Variants in INPP5D observed in about 807,000 individuals in gnomAD.
The protein encoded by INPP5D is inositol polyphosphate-5-phosphatase D.
Under a neutral mutation model 122.9 loss-of-function variants are expected in INPP5D, and 33 were observed. The observed-to-expected ratio is 0.27, with a 90% CI of 0.20 to 0.36. The LOEUF is 0.36. Among genes scored for constraint, INPP5D ranks in the 10% least tolerant of loss-of-function variants. The pLI is 1.00. For synonymous variants in INPP5D, 584 were observed against 576.2 expected (o/e 1.01, Z -0.19); for missense variants, 1,053 against 1,412.7 (o/e 0.75, Z 4.08).
At chr2:233,114,010 A>C (rs1188817935) in intron 2 of INPP5D, among the ~76,000 whole-genome samples, 1 of 148,338 alleles carries the variant, frequency 6.7e-6, no homozygotes, top group Non-Finnish European at 1.5e-5. Context: ...TCCCGGGTTC[A>C]CGCCATTCTC....
At chr2:233,204,860 A>G in intron 26 of INPP5D, 143 bp downstream of exon 26, 1 of 1,292,836 alleles carries the variant, frequency 7.7e-7, no homozygotes, top group Non-Finnish European at 1.0e-6. Flanking sequence ...ATGCATGTGC[A>G]CACATGCGAG....
At chr2:233,165,687 T>C (rs1446890688) in intron 13 of INPP5D, among the ~76,000 whole-genome samples, 2 of 151,994 alleles carry the variant, frequency 1.3e-5, no homozygotes, top group Non-Finnish European at 2.9e-5. Context: ...TGTGAGTCTA[T>C]GTATGTGAGT....
chr2:233,174,247 G>A (rs1463266470), intron 17 of INPP5D, among the ~76,000 whole-genome samples: 1 of 152,254 alleles, frequency 6.6e-6, no homozygotes, highest in Non-Finnish European at 1.5e-5. Flanking sequence ...GAATTGTACT[G>A]TTATGCTTTT....
chr2:233,198,594 T>TA (rs1695248109), intron 25 of INPP5D, among the ~76,000 whole-genome samples: 1 of 152,168 alleles, frequency 6.6e-6, no homozygotes, highest in Non-Finnish European at 1.5e-5. Flanking sequence ...TTTTAAAGGG[T>TA]AAAAATTTGT....
At chr2:233,074,022 AG>A (rs1691451071) in intron 1 of INPP5D, among the ~76,000 whole-genome samples, 1 of 152,188 alleles carries the variant, frequency 6.6e-6, no homozygotes, top group Non-Finnish European at 1.5e-5. Flanking sequence ...ATTCTATTTA[AG>A]ATGGAAGTAA....
intron 2 of INPP5D, among the ~76,000 whole-genome samples, chr2:233,097,040 G>A (rs920825430): frequency 1.3e-5 from 2 of 152,020 alleles, no homozygotes; most frequent in Admixed American, 6.6e-5. Flanking sequence ...TTTATGTTTG[G>A]TATAAAATAG....
chr2:233,088,974 C>G (rs984915911), intron 2 of INPP5D, among the ~76,000 whole-genome samples: 2 of 152,214 alleles, frequency 1.3e-5, no homozygotes, highest in Non-Finnish European at 2.9e-5. Flanking sequence ...CCCTGTCTGC[C>G]TTGGGATCCT....
In INPP5D at chr2:233,164,827, G is replaced by C. The variant is rs1310410333; in HGVS notation, c.1555+403G>C. Among the ~76,000 whole-genome samples the C allele has an allele frequency of 6.6e-6, 1 of 152,234 alleles. No individual in the cohort carries two copies. Among genetic ancestry groups the C allele is most frequent in the Non-Finnish European group, 1.5e-5 (1 of 68,044 alleles). ...ACAGTAAATATTTCAGGCTTTGCAG[G>C]CCACTCAACACTATTCCTCTCTGCC... is the stretch of plus-strand genomic sequence containing the variant. On this transcript the variant is annotated intron_variant, in intron 13 of 26. Coordinates refer to ENST00000445964, the MANE Select transcript of INPP5D (RefSeq NM_001017915.3). This position sits in a 1 kb window ranked among gnomAD's most constrained non-coding sequence, Gnocchi z 4.3.
intron 17 of INPP5D, among the ~76,000 whole-genome samples, chr2:233,176,363 G>T (rs796805630): frequency 2.8e-5 from 2 of 71,294 alleles, no homozygotes; most frequent in Non-Finnish European, 6.3e-5. Flanking sequence ...ATGGATAGGC[G>T]AATGGATAGG....
intron 2 of INPP5D, among the ~76,000 whole-genome samples, chr2:233,095,418 G>C (rs1017440820): frequency 1.3e-5 from 2 of 152,072 alleles, no homozygotes; most frequent in South Asian, 4.2e-4. Context: ...TCAGGAGTTC[G>C]AGACCAGCCT....
chr2:233,168,397 C>G (rs755873083), intron 13 of INPP5D, among the ~76,000 whole-genome samples: 3 of 152,228 alleles, frequency 2.0e-5, no homozygotes, highest in Non-Finnish European at 4.4e-5. Flanking sequence ...AGCAGGTTCT[C>G]ACCTGCATGT....
intron 9 of INPP5D, among the ~76,000 whole-genome samples, chr2:233,155,870 A>G (rs1488457691): frequency 6.6e-6 from 1 of 152,148 alleles, no homozygotes; most frequent in African/African-American, 2.4e-5. Context: ...CTCCAAGAAA[A>G]GATCCTAAAA....
Position 233,194,014 on chromosome 2 carries a change from G to A in INPP5D, c.2596+53G>A, listed in dbSNP as rs1246680510. The A allele has an allele frequency of 6.0e-6, 9 of 1,508,676 alleles. No homozygotes were observed. The South Asian group carries it at 9.2e-5, about 15-fold the overall frequency. 93.5% of individuals were successfully genotyped at this position (1,508,676 alleles called of 1,614,324 possible). On this transcript the variant is annotated intron_variant, in intron 23 of 26. Transcript: ENST00000445964. ...CTCTTCAGCCCCCCACTTAGGGACG[G>A]GAACGTGCTTTCTCTCAGCAAAGCT...
Position 233,198,323 on chromosome 2 carries a change from G to A in INPP5D, c.2922G>A (p.Lys974=), listed in dbSNP as rs1449686681. 1 of 1,613,718 alleles carries A rather than the reference G, an allele frequency of 6.2e-7. No homozygotes were observed. Among genetic ancestry groups the A allele is most frequent in the Admixed American group, 1.7e-5 (1 of 60,034 alleles). ...GCCAGCCGCCCATATCACCCAAGAA[G>A]TTTTTACCCTCAACAGCAAACCGGG... The part of the protein sequence containing the change: ...PPGQPPISPK[K]FLPSTANRGL... The change falls in exon 25 of 27, where the codon AAG becomes AAA. Residue 974 remains lysine, a synonymous_variant. Transcript: ENST00000445964.
intron 21 of INPP5D, 45 bp downstream of exon 21, chr2:233,185,970 C>T: frequency 1.9e-6 from 3 of 1,541,796 alleles, no homozygotes; most frequent in South Asian, 1.3e-5. Context: ...TTTGCATTTA[C>T]TAGGCCAGTA....
At chr2:233,122,436 C>A (rs1410314194) in intron 3 of INPP5D, among the ~76,000 whole-genome samples, 179 bp downstream of exon 3, 2 of 152,208 alleles carry the variant, frequency 1.3e-5, no homozygotes, top group African/African-American at 4.8e-5. Context: ...AATTCCTCCT[C>A]CCCAGCTTAT....
chr2:233,146,609 C>T (rs374839516), intron 8 of INPP5D, among the ~76,000 whole-genome samples, 171 bp downstream of exon 8: 9 of 152,324 alleles, frequency 5.9e-5, no homozygotes, highest in East Asian at 1.9e-4. Context: ...GGCGGTTCAA[C>T]GTCAGAACGG....
Position 233,170,226 on chromosome 2 carries a change from A to ATGAC in INPP5D, c.1791+62_1791+63insTGAC. 6.3e-7 allele frequency: 1 copy of ATGAC among 1,577,898 alleles called. No individual in the cohort carries two copies. The highest frequency in any genetic ancestry group is 8.6e-7 in the Non-Finnish European group (1 of 1,160,836). On this transcript the variant is annotated intron_variant, in intron 15 of 26. Coordinates refer to ENST00000445964, the MANE Select transcript of INPP5D (RefSeq NM_001017915.3). This position sits in a 1 kb window ranked among gnomAD's most constrained non-coding sequence, Gnocchi z 4.5. The stretch of plus-strand genomic sequence containing the variant: ...TATGAGATGGAGGCTCCCTTGAGTC[A>ATGAC]GCTTGGGGCAGGTGGTCGTGGAGAC...
chr2:233,077,379 G>T (rs1244779265), intron 1 of INPP5D, among the ~76,000 whole-genome samples: 1 of 152,054 alleles, frequency 6.6e-6, no homozygotes. Context: ...AGTTAAACAG[G>T]GTCAAGTGCA....
Sources: allele counts gnomAD v4.1 joint callset (sites outside exome capture counted in the v4.1 genomes callset), GRCh38; gene constraint gnomAD v4.1.1; non-coding constraint Gnocchi (gnomAD v3.1); transcripts MANE v1.5; gene names NCBI Gene and HGNC (gene_info 2026-07-23, HGNC 2026-07-21).